Variants in PRKCA observed in about 807,000 individuals in gnomAD.
PRKCA encodes the protein protein kinase C alpha, also known as protein kinase C alpha type.
PRKCA carries 27 observed loss-of-function variants against 87.0 expected under a neutral mutation model. The observed-to-expected ratio is 0.31, with a 90% CI of 0.23 to 0.43. The LOEUF (loss-of-function observed/expected upper bound fraction) is 0.43, where lower values mean the gene tolerates loss of function less well. Ranked by LOEUF, PRKCA falls within the 20% of genes least tolerant of loss-of-function variation. The pLI is 1.00. For synonymous variants in PRKCA, 329 were observed against 311.1 expected, an observed-to-expected ratio of 1.06 and a Z score of -0.61; for missense variants, 518 against 852.3, an observed-to-expected ratio of 0.61 and a Z score of 4.88.
intron 3 of PRKCA, among the ~76,000 whole-genome samples, chr17:66,608,688 G>A (rs771443834): frequency 2.6e-5 from 4 of 152,152 alleles, no homozygotes; most frequent in African/African-American, 7.2e-5. Flanking sequence ...AGACACCCAC[G>A]GAGTATGGCC....
At chr17:66,347,977 C>G (rs1403625016) in intron 2 of PRKCA, among the ~76,000 whole-genome samples, 1 of 44,674 alleles carries the variant, frequency 2.2e-5, no homozygotes, top group African/African-American at 5.8e-5. Context: ...AAGTCTTGCT[C>G]TGTGCCCAGG....
intron 13 of PRKCA, among the ~76,000 whole-genome samples, chr17:66,770,375 A>G (rs975583042): frequency 6.6e-6 from 1 of 152,232 alleles, no homozygotes; most frequent in Non-Finnish European, 1.5e-5. Context: ...AGTTTTTCAC[A>G]ATTTTTTAAT....
chr17:66,728,375 A>C (rs1377411511), intron 8 of PRKCA, among the ~76,000 whole-genome samples: 1 of 152,162 alleles, frequency 6.6e-6, no homozygotes, highest in East Asian at 1.9e-4. Flanking sequence ...CTGTTCTACC[A>C]GCCTCCAGAA....
chr17:66,709,420 C>T (rs1244348386), intron 8 of PRKCA, among the ~76,000 whole-genome samples: 1 of 148,114 alleles, frequency 6.8e-6, no homozygotes, highest in Admixed American at 6.8e-5. Context: ...AAGCAATTCT[C>T]CTGCCTCAGC....
At position 66,803,861 on chromosome 17, in the gene PRKCA, T is replaced by G. The variant is rs764428982; in HGVS notation, c.1855-12T>G. On this transcript the variant is annotated splice_polypyrimidine_tract_variant and intron_variant, in intron 16 of 16. Transcript: ENST00000413366. This position sits in a 1 kb window ranked among gnomAD's most constrained non-coding sequence, Gnocchi z 4.4. ...TGACTGACCTTTCCTTCTTTTTGTC[T>G]TTTCTCCACAGTGTGGCAAAGGAGC... is the stretch of plus-strand genomic sequence containing the variant. The G allele has an allele frequency of 4.3e-6, 7 of 1,611,944 alleles. No individual in the cohort carries two copies. The highest frequency in any genetic ancestry group is 4.0e-5 in the African/African-American group (3 of 74,870).
At chr17:66,339,285 G>A (rs1330711821) in intron 2 of PRKCA, among the ~76,000 whole-genome samples, 1 of 152,066 alleles carries the variant, frequency 6.6e-6, no homozygotes, top group African/African-American at 2.4e-5. Context: ...ATTGAGATTC[G>A]GCTGTTTATT....
intron 2 of PRKCA, among the ~76,000 whole-genome samples, chr17:66,489,807 G>T (rs867133301): frequency 1.4e-5 from 2 of 145,382 alleles, no homozygotes; most frequent in Non-Finnish European, 3.0e-5. Context: ...TTGAGACAGG[G>T]TCTCACTCTG....
At chr17:66,508,358 T>C (rs1917070450) in intron 3 of PRKCA, among the ~76,000 whole-genome samples, 3 of 152,262 alleles carry the variant, frequency 2.0e-5, no homozygotes, top group African/African-American at 2.4e-5. Flanking sequence ...AAGAATGTCA[T>C]GGCCACGAAG....
chr17:66,321,982 C>G (rs1013832403), intron 2 of PRKCA, among the ~76,000 whole-genome samples: 3 of 152,112 alleles, frequency 2.0e-5, no homozygotes, highest in Non-Finnish European at 4.4e-5. Flanking sequence ...TCATCATTAC[C>G]CTTCTGAAAT....
Position 66,646,082 on chromosome 17 carries a change from G to C in PRKCA, c.529+571G>C, listed in dbSNP as rs532071741. The stretch of plus-strand genomic sequence containing the variant: ...CCAGAAAAGGAAACTGAGGCACAGA[G>C]AGATCAATAACTTGCAGTGTTACAG... On this transcript the variant is annotated intron_variant, in intron 5 of 16. Coordinates refer to ENST00000413366, the MANE Select transcript of PRKCA (RefSeq NM_002737.3). 2.6e-5 allele frequency among the ~76,000 whole-genome samples: 4 copies of C among 152,336 alleles called. No individual in the cohort carries two copies. The South Asian group carries it at 8.3e-4, about 32-fold the overall frequency.
chr17:66,501,923 G>A (rs76235065), intron 3 of PRKCA, among the ~76,000 whole-genome samples: 3,527 of 152,272 alleles, frequency 0.023, 131 homozygotes, highest in African/African-American at 0.08. Flanking sequence ...GCCTGCCTCC[G>A]TGGGCTGCTC....
intron 3 of PRKCA, among the ~76,000 whole-genome samples, chr17:66,639,921 G>A (rs1235945717): frequency 1.3e-5 from 2 of 152,092 alleles, no homozygotes; most frequent in South Asian, 2.1e-4. Context: ...CTTGAACCTG[G>A]GAGGCAGAGG....
rs1027997357 is a variant in PRKCA at position 66,340,440 on chromosome 17, GT to G, written c.205+34317del. Among the ~76,000 whole-genome samples the G allele has an allele frequency of 3.4e-5, 5 of 146,502 alleles. No individual in the cohort carries two copies. In the Admixed American group the frequency reaches 3.5e-4, roughly 10 times the overall value. Reference sequence around the variant, plus strand: ...AGAATATGGCCCCAGTTTGGTTTAAGTTTTGAATGTTCAGGAATTTCTCAGA... The same window carrying G: ...AGAATATGGCCCCAGTTTGGTTTAAGTTTGAATGTTCAGGAATTTCTCAGA... On this transcript the variant is annotated intron_variant, in intron 2 of 16. Coordinates refer to ENST00000413366, the MANE Select transcript of PRKCA (RefSeq NM_002737.3).
At chr17:66,640,958 C>T (rs190331988) in intron 3 of PRKCA, 39 of 343,162 alleles carry the variant, frequency 1.1e-4, no homozygotes, top group African/African-American at 4.8e-4. Context: ...GTCAGGAGTT[C>T]GAGACCAGCC....
chr17:66,370,670 A>G (rs1233157280), intron 2 of PRKCA, among the ~76,000 whole-genome samples: 1 of 144,654 alleles, frequency 6.9e-6, no homozygotes, highest in East Asian at 2.0e-4. Context: ...TCCACCTCAG[A>G]CTCCCAAGTA....
At chr17:66,306,697 T>G (rs9914146) in intron 2 of PRKCA, among the ~76,000 whole-genome samples, 1 of 152,164 alleles carries the variant, frequency 6.6e-6, no homozygotes, top group Non-Finnish European at 1.5e-5. Context: ...AAACGTGATA[T>G]CAGCCATCAC....
Position 66,392,911 on chromosome 17 carries a change from A to G in PRKCA, c.205+86784A>G, listed in dbSNP as rs371303982. On this transcript the variant is annotated intron_variant, in intron 2 of 16. Transcript: ENST00000413366. ...AGGCCACCTCTGAGGCACTCTGGGG[A>G]GAGTGTTCGCTTTCCAACAGTCGGG... is the stretch of plus-strand genomic sequence containing the variant. 9.2e-5 allele frequency among the ~76,000 whole-genome samples: 14 copies of G among 152,242 alleles called. No homozygotes were observed. The East Asian group carries it at 2.5e-3, about 27-fold the overall frequency.
At chr17:66,709,313 T>C (rs1285470201) in intron 8 of PRKCA, among the ~76,000 whole-genome samples, 2 of 146,178 alleles carry the variant, frequency 1.4e-5, no homozygotes, top group Admixed American at 6.8e-5. Flanking sequence ...TTTTTTTTTT[T>C]TTTTTTTTTT....
Position 66,571,264 on chromosome 17 carries a change from C to G in PRKCA, c.289-70091C>G, listed in dbSNP as rs1969071584. 2.6e-5 allele frequency among the ~76,000 whole-genome samples: 4 copies of G among 152,176 alleles called. No homozygotes were observed. In the South Asian group the frequency reaches 8.3e-4, roughly 32 times the overall value. On this transcript the variant is annotated intron_variant, in intron 3 of 16. Transcript: ENST00000413366. ...TTGCGTGTACTTATTTCTGTGTTTTCACATTATTAACTGACCATTTTGGAT... is the reference window on the plus strand; with the variant it reads ...TTGCGTGTACTTATTTCTGTGTTTTGACATTATTAACTGACCATTTTGGAT...
Sources: gnomAD v4.1 joint callset for allele counts (sites outside exome capture counted in the v4.1 genomes callset) on GRCh38, gnomAD v4.1.1 for gene constraint, Gnocchi (gnomAD v3.1) non-coding constraint, MANE v1.5 for transcripts, NCBI Gene and HGNC (gene_info 2026-07-23, HGNC 2026-07-21) for gene names.